The following CMC2 variants were observed in gnomAD, a reference collection of about 807,000 sequenced individuals.
The protein encoded by CMC2 is COX assembly mitochondrial protein 2 homolog.
In CMC2, 5 loss-of-function variants were observed where a neutral mutation model predicts 7.5. That is an observed-to-expected ratio of 0.66 (90% CI 0.35 to 1.40). The LOEUF is 1.40. Ranked by LOEUF, CMC2 falls within the 40% of genes most tolerant of loss-of-function variation. The pLI is 0.04. For missense variants in CMC2, 115 were observed against 92.3 expected (o/e 1.25, Z -1.01); for synonymous variants, 37 against 31.4 (o/e 1.18, Z -0.60).
chr16:80,970,561 C>G lies in CMC2; in HGVS notation c.*5532G>C, dbSNP rs1218239535. ...AGAGAAGTCTGATGTATCTATTAAA[C>G]ATTATACTGAATGTTCTAAGTACAA... On this transcript the variant is annotated 3_prime_UTR_variant, in exon 4 of 4. Transcript: ENST00000219400. The G allele has an allele frequency of 6.6e-6, 1 of 152,182 alleles. No individual in the cohort carries two copies. The highest frequency in any genetic ancestry group is 1.5e-5 in the Non-Finnish European group (1 of 68,032). The allele number at this position is 152,182 out of a possible 1,614,324, so 9.4% of individuals were successfully genotyped here. A position where few individuals can be genotyped will look rare whatever the true frequency, so the allele number is the denominator to read the frequency against.
intron 2 of CMC2, among the ~76,000 whole-genome samples, chr16:80,986,123 G>C (rs1344680931): frequency 6.6e-6 from 1 of 152,158 alleles, no homozygotes; most frequent in Non-Finnish European, 1.5e-5. Flanking sequence ...CCAGGCGGGC[G>C]GATCACCTGA....
intron 2 of CMC2, among the ~76,000 whole-genome samples, chr16:80,990,827 T>C (rs1967935853): frequency 6.6e-6 from 1 of 152,072 alleles, no homozygotes; most frequent in South Asian, 2.1e-4. Flanking sequence ...CAAGTGATCC[T>C]CCCACCTCAA....
chr16:80,982,410 G>A (rs972209289), intron 2 of CMC2: 1 of 151,072 alleles, frequency 6.6e-6, no homozygotes, highest in Non-Finnish European at 1.5e-5. Flanking sequence ...TTGGGAGGCT[G>A]AGGCAGGAGA....
intron 2 of CMC2, among the ~76,000 whole-genome samples, chr16:80,986,432 G>A (rs1967542122): frequency 1.3e-5 from 2 of 150,896 alleles, no homozygotes; most frequent in Admixed American, 6.6e-5. Context: ...TCCAGCCTGG[G>A]CGACAGAGTG....
chr16:80,991,747 A>C, intron 2 of CMC2: 1 of 329,198 alleles, frequency 3.0e-6, no homozygotes, highest in Non-Finnish European at 6.0e-6. Context: ...ATGAAAATGT[A>C]CTTTACCTCT....
In CMC2 at chr16:80,973,455, C is replaced by T. The variant is rs1424361959; in HGVS notation, c.*2638G>A. 1 of 152,182 alleles carries T rather than the reference C, an allele frequency of 6.6e-6. No homozygotes were observed. The highest frequency in any genetic ancestry group is 1.5e-5 in the Non-Finnish European group (1 of 68,030). The allele number at this position is 152,182 out of a possible 1,614,324, so 9.4% of individuals were successfully genotyped here. On this transcript the variant is annotated 3_prime_UTR_variant, in exon 4 of 4. Coordinates refer to ENST00000219400, the MANE Select transcript of CMC2 (RefSeq NM_020188.5). ...ATCTATCACATACATCTCAACCAAT[C>T]CTCACAATAACTCTATGTGACAGGT...
rs116262203 is a variant in CMC2, at chr16:80,988,567, C to T, written c.82-6690G>A. 5.9e-3 allele frequency: 4,137 copies of T among 701,314 alleles called. 123 individuals carry two copies. In the African/African-American group the frequency reaches 0.064, roughly 11 times the overall value. The allele number at this position is 701,314 out of a possible 1,614,324, so 43.4% of individuals were successfully genotyped here. On this transcript the variant is annotated intron_variant, in intron 2 of 3. Transcript: ENST00000219400. ...ATACACCCGAGCTTTTCTTCTGAACCGAGTAAGTTGCAGATATGATGCACG... is the reference window on the plus strand; with the variant it reads ...ATACACCCGAGCTTTTCTTCTGAACTGAGTAAGTTGCAGATATGATGCACG...
At chr16:80,982,747 C>T (rs1202309908) in intron 2 of CMC2, 1 of 152,330 alleles carries the variant, frequency 6.6e-6, no homozygotes. Flanking sequence ...ATTCTGAAGT[C>T]ACCTCCTATT....
chr16:80,977,766 C>T (rs1354885989), intron 3 of CMC2, among the ~76,000 whole-genome samples: 4 of 152,164 alleles, frequency 2.6e-5, no homozygotes, highest in Admixed American at 2.0e-4. Context: ...CTTTTTATTA[C>T]TTCCTTGTCA....
intron 2 of CMC2, chr16:80,983,812 T>C (rs1379295539): frequency 1.3e-5 from 2 of 152,266 alleles, no homozygotes; most frequent in South Asian, 2.1e-4. Flanking sequence ...AGAAATCCCA[T>C]CTCTACTAAA....
At position 80,973,906 on chromosome 16, in the gene CMC2, T is replaced by G. The variant is rs189452638; in HGVS notation, c.*2187A>C. The stretch of plus-strand genomic sequence containing the variant: ...CGTACTCATATATTACTTATAAAAT[T>G]TTTAAGAATGAACTTCCAAAGTTTC... On this transcript the variant is annotated 3_prime_UTR_variant, in exon 4 of 4. Coordinates refer to ENST00000219400, the MANE Select transcript of CMC2 (RefSeq NM_020188.5). The G allele has an allele frequency of 6.6e-6, 1 of 152,308 alleles. No homozygotes were observed. Among genetic ancestry groups the G allele is most frequent in the East Asian group, 1.9e-4 (1 of 5,190 alleles). The allele number at this position is 152,308 out of a possible 1,614,324, so 9.4% of individuals were successfully genotyped here. A position where few individuals can be genotyped will look rare whatever the true frequency, so the allele number is the denominator to read the frequency against.
chr16:81,006,148 C>G (rs1169362592), intron 1 of CMC2, among the ~76,000 whole-genome samples: 4 of 151,960 alleles, frequency 2.6e-5, no homozygotes. Context: ...AACGCCTGAT[C>G]TTTAAACGCA....
chr16:81,001,238 G>A (rs1968839436), intron 1 of CMC2: 1 of 152,146 alleles, frequency 6.6e-6, no homozygotes, highest in Admixed American at 6.5e-5. Context: ...TAGGTACTAT[G>A]CTCACTTACC....
chr16:81,001,838 C>T (rs2911152), intron 1 of CMC2, among the ~76,000 whole-genome samples: 95,308 of 144,254 alleles, frequency 0.66, 31,472 homozygotes, highest in South Asian at 0.81. Flanking sequence ...TCAGTAACTA[C>T]TAAACACACA....
intron 3 of CMC2, chr16:80,980,929 G>A (rs1489037491): frequency 2.8e-5 from 18 of 650,206 alleles, no homozygotes; most frequent in Non-Finnish European, 4.2e-5. Context: ...ACTCTTCACT[G>A]AGTACTCCAA....
chr16:80,976,120 A>C lies in CMC2; in HGVS notation c.213T>G (p.Phe71Leu), dbSNP rs769791284. 3.7e-6 allele frequency: 6 copies of C among 1,608,624 alleles called. No homozygotes were observed. The highest frequency in any genetic ancestry group is 4.3e-6 in the Non-Finnish European group (5 of 1,175,312). The change falls in exon 4 of 4, where the codon TTT becomes TTG. Residue 71 changes from phenylalanine (F) to leucine (L), a missense_variant. Transcript: ENST00000219400. ...ATTTTTCGGATTCCTCTGGAGGATT[A>C]AAAAGTTTCTTTCGCATTGCAATGC... ...EHGIAMRKKL[F>L]NPPEESEK
At chr16:80,979,089 A>AT (rs1455954757) in intron 3 of CMC2, among the ~76,000 whole-genome samples, 1 of 138,600 alleles carries the variant, frequency 7.2e-6, no homozygotes, top group South Asian at 2.2e-4. Flanking sequence ...AAAAAAAATA[A>AT]AAAAATAAAA....
intron 3 of CMC2, chr16:80,978,166 G>T: frequency 3.5e-6 from 2 of 564,132 alleles, no homozygotes; most frequent in Non-Finnish European, 4.6e-6. Flanking sequence ...TCATAAAATT[G>T]TTGGGGAAAA....
At chr16:81,001,459 G>A (rs1384791408) in intron 1 of CMC2, 2 of 152,192 alleles carry the variant, frequency 1.3e-5, no homozygotes, top group Middle Eastern at 3.1e-3. Context: ...ACCAGAGGGA[G>A]GTGGAAGGGC....
Sources: allele counts gnomAD v4.1 joint callset (sites outside exome capture counted in the v4.1 genomes callset), GRCh38; gene constraint gnomAD v4.1.1; transcripts MANE v1.5; gene names NCBI Gene and HGNC (gene_info 2026-07-23, HGNC 2026-07-21).